The following PTPRR variants were observed in gnomAD, a reference collection of about 807,000 sequenced individuals.
PTPRR encodes receptor-type tyrosine-protein phosphatase R.
A neutral mutation model predicts 77.2 loss-of-function variants in PTPRR; 38 were observed. The observed-to-expected ratio is 0.49, with a 90% CI of 0.38 to 0.65. PTPRR has a LOEUF of 0.65. Ranked by LOEUF, PTPRR falls within the 30% of genes least tolerant of loss-of-function variation. PTPRR has a pLI of 0.00. For synonymous variants in PTPRR, 299 were observed against 283.1 expected, an observed-to-expected ratio of 1.06 and a Z score of -0.57; for missense variants, 744 against 799.2, an observed-to-expected ratio of 0.93 and a Z score of 0.83.
chr12:70,733,742 T>C (rs1016789566), intron 6 of PTPRR, among the ~76,000 whole-genome samples: 2 of 152,180 alleles, frequency 1.3e-5, no homozygotes, highest in African/African-American at 2.4e-5. Flanking sequence ...TTTATATTTA[T>C]ATAAATAAAT....
At chr12:70,658,493 T>C (rs1050903420) in intron 12 of PTPRR, among the ~76,000 whole-genome samples, 5 of 152,180 alleles carry the variant, frequency 3.3e-5, no homozygotes, top group African/African-American at 7.2e-5. Context: ...CTGTGCCCCA[T>C]GAATGGCAGG....
chr12:70,778,008 G>A (rs1463037866), intron 2 of PTPRR, among the ~76,000 whole-genome samples: 1 of 152,122 alleles, frequency 6.6e-6, no homozygotes, highest in African/African-American at 2.4e-5. Flanking sequence ...ATTTTTAGAA[G>A]GATGTCACCA....
chr12:70,767,924 T>C (rs1283993103), intron 2 of PTPRR, among the ~76,000 whole-genome samples: 1 of 152,016 alleles, frequency 6.6e-6, no homozygotes, highest in African/African-American at 2.4e-5. Context: ...ACTGGGTACA[T>C]AACGAAATGA....
At chr12:70,672,782 C>T in intron 10 of PTPRR, 1 of 1,560,764 alleles carries the variant, frequency 6.4e-7, no homozygotes, top group Non-Finnish European at 8.7e-7. Flanking sequence ...TTCAGGAAAC[C>T]TTCTGTCTTT....
chr12:70,908,785 C>T (rs1196735952), intron 1 of PTPRR, among the ~76,000 whole-genome samples: 1 of 152,138 alleles, frequency 6.6e-6, no homozygotes, highest in Non-Finnish European at 1.5e-5. Flanking sequence ...ACTGCTATTC[C>T]ATCTCGTTCT....
intron 2 of PTPRR, among the ~76,000 whole-genome samples, chr12:70,811,424 T>C (rs982330046): frequency 3.3e-5 from 5 of 152,200 alleles, no homozygotes; most frequent in Admixed American, 3.3e-4. Context: ...TTAAGAATGC[T>C]TTGGCGGTTT....
intron 2 of PTPRR, among the ~76,000 whole-genome samples, chr12:70,765,743 G>A (rs929359150): frequency 9.2e-5 from 14 of 152,030 alleles, no homozygotes; most frequent in Non-Finnish European, 1.3e-4. Flanking sequence ...CCCTGAGCAG[G>A]CTAACTGGGA....
chr12:70,920,068 G>C (rs1443211818), intron 1 of PTPRR, among the ~76,000 whole-genome samples: 3 of 152,184 alleles, frequency 2.0e-5, no homozygotes, highest in South Asian at 2.1e-4. Flanking sequence ...GGAGGCGAAG[G>C]GGGGAGCAAA....
intron 5 of PTPRR, among the ~76,000 whole-genome samples, chr12:70,751,667 A>G (rs1890403340): frequency 6.6e-6 from 1 of 151,638 alleles, no homozygotes; most frequent in African/African-American, 2.4e-5. Flanking sequence ...GCACTTATCA[A>G]CATTTGATTT....
At chr12:70,673,126 G>T in intron 10 of PTPRR, 1 of 756,558 alleles carries the variant, frequency 1.3e-6, no homozygotes, top group South Asian at 1.9e-5. Flanking sequence ...GGAGAAGGAG[G>T]ATGAGAGCAA....
At chr12:70,764,558 G>T in intron 3 of PTPRR, 107 bp downstream of exon 3, 1 of 848,826 alleles carries the variant, frequency 1.2e-6, no homozygotes, top group Non-Finnish European at 1.9e-6. Context: ...AACATGACGT[G>T]CCGGATTTGG....
intron 2 of PTPRR, among the ~76,000 whole-genome samples, chr12:70,791,804 G>A (rs1891425908): frequency 6.6e-6 from 1 of 152,156 alleles, no homozygotes; most frequent in East Asian, 1.9e-4. Flanking sequence ...TGTGGGTGAT[G>A]GAATTTGAAT....
chr12:70,890,362 C>G (rs1007745152), intron 2 of PTPRR, among the ~76,000 whole-genome samples: 15 of 152,086 alleles, frequency 9.9e-5, no homozygotes, highest in African/African-American at 3.6e-4. Context: ...GGAAAAAATT[C>G]ATTTGTGGAT....
intron 2 of PTPRR, among the ~76,000 whole-genome samples, chr12:70,865,530 G>A (rs1892828854): frequency 6.6e-6 from 1 of 152,090 alleles, no homozygotes; most frequent in African/African-American, 2.4e-5. Context: ...TAAAGGCTGA[G>A]AGAGTCAGGC....
intron 6 of PTPRR, among the ~76,000 whole-genome samples, chr12:70,721,565 G>T (rs1437481489): frequency 6.6e-6 from 1 of 151,854 alleles, no homozygotes; most frequent in Non-Finnish European, 1.5e-5. Flanking sequence ...ATTCTGTTTG[G>T]GTTCACCATC....
intron 6 of PTPRR, among the ~76,000 whole-genome samples, chr12:70,730,269 G>A: frequency 6.6e-6 from 1 of 152,182 alleles, no homozygotes; most frequent in Non-Finnish European, 1.5e-5. Flanking sequence ...CCAACACTTT[G>A]GGAGGCCAAG....
chr12:70,735,194 TATAAGA>T (rs1307413418), intron 6 of PTPRR, among the ~76,000 whole-genome samples: 1 of 152,162 alleles, frequency 6.6e-6, no homozygotes, highest in Non-Finnish European at 1.5e-5. Flanking sequence ...CCCATACAAG[TATAAGA>T]ATATGAAAAT....
intron 2 of PTPRR, among the ~76,000 whole-genome samples, chr12:70,884,160 A>G (rs1893196152): frequency 6.6e-6 from 1 of 152,196 alleles, no homozygotes; most frequent in Non-Finnish European, 1.5e-5. Flanking sequence ...AAAAAAGAGA[A>G]AGAAACACGT....
intron 2 of PTPRR, among the ~76,000 whole-genome samples, chr12:70,872,968 T>C: frequency 6.6e-6 from 1 of 152,196 alleles, no homozygotes; most frequent in East Asian, 1.9e-4. Context: ...TTTTAATTTA[T>C]TTGATCATTA....
Sources: allele counts gnomAD v4.1 joint callset (sites outside exome capture counted in the v4.1 genomes callset), GRCh38; gene constraint gnomAD v4.1.1; transcripts MANE v1.5; gene names NCBI Gene and HGNC (gene_info 2026-07-23, HGNC 2026-07-21).